The following GK variants were observed in gnomAD, a reference collection of about 807,000 sequenced individuals.
GK encodes ATP:glycerol 3-phosphotransferase.
GK carries 9 observed loss-of-function variants against 56.4 expected under a neutral mutation model. The ratio of observed to expected loss-of-function variants is 0.16; its 90% CI spans 0.10 to 0.28. The LOEUF (loss-of-function observed/expected upper bound fraction) is 0.28. GK is among the 10% of genes least tolerant of loss of function. The probability of loss-of-function intolerance (pLI) is 1.00; values close to 1 mark genes in which losing one functional copy is unlikely to be tolerated. For synonymous variants in GK, 104 were observed against 144.1 expected, an observed-to-expected ratio of 0.72 and a Z score of 1.99; for missense variants, 161 against 431.4, an observed-to-expected ratio of 0.37 and a Z score of 5.55.
intron 13 of GK, among the ~76,000 whole-genome samples, chrX:30,712,009 A>G (rs975887311): frequency 8.9e-6 from 1 of 112,353 alleles, no homozygotes; most frequent in Admixed American, 9.4e-5. Flanking sequence ...TATATTAAAA[A>G]TATAAAAGAA....
At chrX:30,704,342 G>A (rs929028132) in intron 11 of GK, among the ~76,000 whole-genome samples, 2 of 106,885 alleles carry the variant, frequency 1.9e-5, no homozygotes, top group African/African-American at 7.0e-5. Context: ...ATATTGCCCA[G>A]GCTGTGTCAA....
chrX:30,700,203 A>G lies in GK; in HGVS notation c.748-211A>G, dbSNP rs1935573320. ...TTACTGGCTCCCAGTCTAACGTTTTATGTTCATTCTCCAGTGCCACATCTC... is the reference window on the plus strand; with the variant it reads ...TTACTGGCTCCCAGTCTAACGTTTTGTGTTCATTCTCCAGTGCCACATCTC... On this transcript the variant is annotated intron_variant, in intron 9 of 20. Coordinates refer to ENST00000427190, the MANE Select transcript of GK (RefSeq NM_001205019.2). 1.0e-5 allele frequency: 4 copies of G among 389,918 alleles called. No individual in the cohort carries two copies. The South Asian group carries it at 1.8e-4, about 18-fold the overall frequency. 32.1% of individuals were successfully genotyped at this position (389,918 alleles called of 1,213,427 possible). A position where few individuals can be genotyped will look rare whatever the true frequency, so the allele number is the denominator to read the frequency against.
At chrX:30,725,837 A>G (rs924364480) in intron 19 of GK, among the ~76,000 whole-genome samples, 33 of 109,848 alleles carry the variant, frequency 3.0e-4, no homozygotes, top group Non-Finnish European at 5.7e-5. Flanking sequence ...TATTTTTAGT[A>G]GAGACGGGGG....
At chrX:30,687,264 T>C (rs1934673848) in intron 4 of GK, among the ~76,000 whole-genome samples, 1 of 111,757 alleles carries the variant, frequency 8.9e-6, no homozygotes, top group Admixed American at 9.5e-5. Context: ...TGTTGCCAGA[T>C]AGAGAAGAGT....
At chrX:30,704,130 A>T (rs947629642) in intron 11 of GK, among the ~76,000 whole-genome samples, 1 of 90,647 alleles carries the variant, frequency 1.1e-5, no homozygotes, top group African/African-American at 4.9e-5. Flanking sequence ...TATTCATTTT[A>T]TATATATATA....
intron 9 of GK, among the ~76,000 whole-genome samples, chrX:30,699,680 A>C (rs1168040027): frequency 9.1e-6 from 1 of 110,250 alleles, no homozygotes; most frequent in African/African-American, 3.3e-5. Context: ...CCTATTTCTT[A>C]GTTCTCCTAA....
At chrX:30,709,998 T>C (rs1175897124) in intron 13 of GK, among the ~76,000 whole-genome samples, 1 of 112,070 alleles carries the variant, frequency 8.9e-6, no homozygotes, top group African/African-American at 3.2e-5. Flanking sequence ...CATCTAGAGA[T>C]TTAACAAGTA....
intron 11 of GK, among the ~76,000 whole-genome samples, chrX:30,707,102 G>A (rs988434592): frequency 9.0e-6 from 1 of 111,571 alleles, no homozygotes; most frequent in Non-Finnish European, 1.9e-5. Context: ...AGGCTGAGGT[G>A]GGTGGATCAC....
At chrX:30,683,541 C>T (rs1013110681) in intron 4 of GK, among the ~76,000 whole-genome samples, 3 of 111,340 alleles carry the variant, frequency 2.7e-5, no homozygotes, top group East Asian at 2.8e-4. Context: ...TTGGTGGCCA[C>T]GGCATAGGCT....
chrX:30,691,633 C>T (rs1206217371), intron 5 of GK, among the ~76,000 whole-genome samples: 3 of 108,861 alleles, frequency 2.8e-5, no homozygotes, highest in Admixed American at 9.9e-5. Context: ...CCACCATGCC[C>T]GGCTAATTTT....
At chrX:30,664,010 TTATATATATC>T (rs1293914468) in intron 1 of GK, among the ~76,000 whole-genome samples, 2 of 93,274 alleles carry the variant, frequency 2.1e-5, no homozygotes, top group Non-Finnish European at 4.2e-5. Context: ...GATATATATT[TTATATATATC>T]TATATATATT....
intron 11 of GK, among the ~76,000 whole-genome samples, chrX:30,703,053 G>C (rs1005954922): frequency 8.9e-6 from 1 of 112,184 alleles, no homozygotes; most frequent in Non-Finnish European, 1.9e-5. Flanking sequence ...AAGCAAAGCT[G>C]TTGGGTTTCA....
At chrX:30,701,962 T>C (rs1935690594) in intron 11 of GK, among the ~76,000 whole-genome samples, 1 of 112,466 alleles carries the variant, frequency 8.9e-6, no homozygotes, top group Admixed American at 9.4e-5. Context: ...TCTGGCACTC[T>C]TTCTTTCTGT....
intron 19 of GK, among the ~76,000 whole-genome samples, chrX:30,725,347 T>C (rs1601957780): frequency 1.8e-5 from 2 of 112,324 alleles, no homozygotes; most frequent in Non-Finnish European, 3.8e-5. Context: ...TTGAAGCTTT[T>C]GTTTTTCTCC....
At chrX:30,718,738 A>T (rs1474564660) in intron 14 of GK, 122 bp downstream of exon 14, 1 of 498,640 alleles carries the variant, frequency 2.0e-6, no homozygotes, top group African/African-American at 2.4e-5. Context: ...ATGGATCCCT[A>T]TTATGAGTTT....
At chrX:30,720,227 T>G in intron 16 of GK, 132 bp downstream of exon 16, 2 of 506,473 alleles carry the variant, frequency 3.9e-6, no homozygotes, top group Non-Finnish European at 7.1e-6. Context: ...AATACTAATC[T>G]AAATATAAGC....
At position 30,731,309 on chromosome X, in the gene GK, T is replaced by C. The variant is rs899791550; in HGVS notation, c.*2567T>C. On this transcript the variant is annotated 3_prime_UTR_variant, in exon 21 of 21. Transcript: ENST00000427190. ...TATTTAATCTGTAGTGTTTACAACA[T>C]AGTAGATAGAAGTACAAAAATTTTT... 2 of 112,068 alleles carry C rather than the reference T, an allele frequency of 1.8e-5. No individual in the cohort carries two copies. Among genetic ancestry groups the C allele is most frequent in the Non-Finnish European group, 3.8e-5 (2 of 53,232 alleles). The allele number at this position is 112,068 out of a possible 1,213,427, so 9.2% of individuals were successfully genotyped here.
At chrX:30,717,908 G>A (rs185613357) in intron 13 of GK, among the ~76,000 whole-genome samples, 4 of 111,075 alleles carry the variant, frequency 3.6e-5, no homozygotes, top group African/African-American at 1.3e-4. Context: ...AGTAACTTAG[G>A]CAAGTTACTT....
intron 1 of GK, among the ~76,000 whole-genome samples, chrX:30,664,339 A>G (rs1163447224): frequency 9.5e-6 from 1 of 105,803 alleles, no homozygotes. Flanking sequence ...AGCTGGGATT[A>G]CAGGCATGCG....
Sources: allele counts gnomAD v4.1 joint callset (sites outside exome capture counted in the v4.1 genomes callset), GRCh38; gene constraint gnomAD v4.1.1; transcripts MANE v1.5; gene names NCBI Gene and HGNC (gene_info 2026-07-23, HGNC 2026-07-21).